VAV3: variants seen among roughly 807,000 people sequenced by gnomAD.
VAV3 encodes the protein vav guanine nucleotide exchange factor 3.
Under a neutral mutation model 131.2 loss-of-function variants are expected in VAV3, and 94 were observed. The observed-to-expected ratio is 0.72, with a 90% CI of 0.61 to 0.85. The LOEUF (loss-of-function observed/expected upper bound fraction) is 0.85, where lower values mean the gene tolerates loss of function less well. VAV3 is among the 40% of genes least tolerant of loss of function. The probability of loss-of-function intolerance (pLI) is 0.00; values close to 1 mark genes in which losing one functional copy is unlikely to be tolerated. For synonymous variants in VAV3, 349 were observed against 342.0 expected (o/e 1.02, Z -0.22); for missense variants, 939 against 1,002.7 (o/e 0.94, Z 0.86).
At chr1:107,709,881 T>C (rs1660677438) in intron 15 of VAV3, among the ~76,000 whole-genome samples, 1 of 152,204 alleles carries the variant, frequency 6.6e-6, no homozygotes, top group South Asian at 2.1e-4. Flanking sequence ...CTTTTTTAAA[T>C]AAATTACCCA....
At chr1:107,785,134 G>A (rs558236395) in intron 2 of VAV3, among the ~76,000 whole-genome samples, 3 of 152,106 alleles carry the variant, frequency 2.0e-5, no homozygotes, top group Admixed American at 6.5e-5. Context: ...TGAGACATTC[G>A]GGCAAATGTC....
At chr1:107,957,307 A>G (rs6679376) in intron 1 of VAV3, among the ~76,000 whole-genome samples, 16,950 of 151,770 alleles carry the variant, frequency 0.11, 1,767 homozygotes, top group African/African-American at 0.28. Context: ...CCCTCTATTC[A>G]CCTCCTTTCT....
chr1:107,851,432 T>C (rs1299556742), intron 2 of VAV3, among the ~76,000 whole-genome samples: 1 of 149,842 alleles, frequency 6.7e-6, no homozygotes, highest in African/African-American at 2.5e-5. Context: ...TTTGTTTCAA[T>C]AGTGAATTTT....
chr1:107,916,750 C>T (rs1672638911), intron 1 of VAV3, among the ~76,000 whole-genome samples: 1 of 152,104 alleles, frequency 6.6e-6, no homozygotes. Flanking sequence ...GAACAAGTGT[C>T]TAGAATCACT....
intron 2 of VAV3, among the ~76,000 whole-genome samples, chr1:107,782,539 A>T (rs185593520): frequency 6.6e-6 from 1 of 152,342 alleles, no homozygotes; most frequent in East Asian, 1.9e-4. Context: ...TAACAGAAAA[A>T]TAACAAATAT....
intron 2 of VAV3, among the ~76,000 whole-genome samples, chr1:107,833,265 G>A (rs376116808): frequency 1.1e-4 from 17 of 152,140 alleles, no homozygotes; most frequent in African/African-American, 3.9e-4. Context: ...GAAAGTTTTC[G>A]TGGTCTGGAT....
At chr1:107,632,754 T>A (rs561012033) in intron 20 of VAV3, among the ~76,000 whole-genome samples, 1 of 152,294 alleles carries the variant, frequency 6.6e-6, no homozygotes, top group South Asian at 2.1e-4. Context: ...GTGAACAGAG[T>A]TGGCACTCAA....
At chr1:107,723,670 C>A (rs1017039374) in intron 15 of VAV3, among the ~76,000 whole-genome samples, 17 of 152,286 alleles carry the variant, frequency 1.1e-4, no homozygotes, top group Admixed American at 1.1e-3. Flanking sequence ...CAAAGCTGCG[C>A]TAGTACCATT....
chr1:107,933,346 C>G (rs1385838081), intron 1 of VAV3, among the ~76,000 whole-genome samples: 1 of 151,668 alleles, frequency 6.6e-6, no homozygotes, highest in Non-Finnish European at 1.5e-5. Context: ...CTCCTCTACC[C>G]TTTATAAGCA....
chr1:107,892,355 C>T (rs971382339), intron 1 of VAV3, among the ~76,000 whole-genome samples: 10 of 152,270 alleles, frequency 6.6e-5, no homozygotes, highest in African/African-American at 2.2e-4. Flanking sequence ...TTTAAGCACA[C>T]GCTGAGTACA....
intron 19 of VAV3, among the ~76,000 whole-genome samples, chr1:107,656,036 T>G (rs1354487243): frequency 2.0e-5 from 3 of 152,070 alleles, no homozygotes; most frequent in Non-Finnish European, 2.9e-5. Flanking sequence ...TGGAAAATAG[T>G]ATAGAGCCTC....
intron 22 of VAV3, among the ~76,000 whole-genome samples, chr1:107,604,994 T>C (rs1652157464): frequency 6.6e-6 from 1 of 152,206 alleles, no homozygotes. Context: ...TCCTTTATAG[T>C]GCTGTTCCTC....
chr1:107,579,659 C>CTTCTG (rs1649896859), intron 25 of VAV3, among the ~76,000 whole-genome samples: 1 of 152,218 alleles, frequency 6.6e-6, no homozygotes, highest in African/African-American at 2.4e-5. Flanking sequence ...CTTTCTTTCT[C>CTTCTG]TTCTGTTCTA....
At chr1:107,590,020 T>A (rs1167286372) in intron 25 of VAV3, among the ~76,000 whole-genome samples, 1 of 152,140 alleles carries the variant, frequency 6.6e-6, no homozygotes, top group Non-Finnish European at 1.5e-5. Flanking sequence ...AGGATAAGCA[T>A]GTTGTTGGAT....
chr1:107,850,717 T>C (rs1669178224), intron 2 of VAV3, among the ~76,000 whole-genome samples: 1 of 152,062 alleles, frequency 6.6e-6, no homozygotes, highest in Admixed American at 6.6e-5. Flanking sequence ...ACTTAAAGTA[T>C]AATTTTTTTA....
intron 1 of VAV3, among the ~76,000 whole-genome samples, chr1:107,879,969 A>G (rs1012459415): frequency 6.6e-6 from 1 of 152,186 alleles, no homozygotes; most frequent in Non-Finnish European, 1.5e-5. Flanking sequence ...CAAATCCCCA[A>G]TTGGGTAGTG....
chr1:107,884,157 T>C (rs1320900409), intron 1 of VAV3, among the ~76,000 whole-genome samples: 2 of 150,490 alleles, frequency 1.3e-5, no homozygotes, highest in African/African-American at 4.9e-5. Flanking sequence ...AAAAAAAAGT[T>C]AAAAAGAATA....
Position 107,596,224 on chromosome 1 carries a change from C to T in VAV3, c.2338G>A (p.Ala780Thr). 6.2e-7 allele frequency: 1 copy of T among 1,612,792 alleles called. No individual in the cohort carries two copies. The highest frequency in any genetic ancestry group is 1.3e-5 in the African/African-American group (1 of 74,974). Residue 780 changes from alanine (A) to threonine (T), a missense_variant, in exon 25 of 27, where the codon GCA becomes ACA. By Grantham distance (58) the Ala-to-Thr change is moderately conservative (BLOSUM62 0). Transcript: ENST00000370056. ...EHSAGQRGNR[A>T]GNSLLSPKVL... is the part of the protein sequence containing the mutation. ...TTACAATACTTACAGCTGTTGCCTG[C>T]TCTATTACCCCTCTGTCCAGCTGAA...
At chr1:107,745,438 T>A (rs1250757098) in intron 15 of VAV3, among the ~76,000 whole-genome samples, 1 of 152,142 alleles carries the variant, frequency 6.6e-6, no homozygotes, top group African/African-American at 2.4e-5. Flanking sequence ...TCACTGCTAC[T>A]TTTCTCTTTG....
Sources: gnomAD v4.1 joint callset for allele counts (sites outside exome capture counted in the v4.1 genomes callset) on GRCh38, gnomAD v4.1.1 for gene constraint, MANE v1.5 for transcripts, NCBI Gene and HGNC (gene_info 2026-07-23, HGNC 2026-07-21) for gene names.